Variants in TTYH1 observed in about 807,000 individuals in gnomAD.
The protein encoded by TTYH1 is tweety family member 1, also known as protein tweety homolog 1.
In TTYH1, 33 loss-of-function variants were observed where a neutral mutation model predicts 61.2. The ratio of observed to expected loss-of-function variants is 0.54; its 90% CI spans 0.41 to 0.72. The LOEUF (loss-of-function observed/expected upper bound fraction) is 0.72. Ranked by LOEUF, TTYH1 falls within the 30% of genes least tolerant of loss-of-function variation. TTYH1 has a pLI of 0.00. For synonymous variants in TTYH1, 308 were observed against 266.4 expected (o/e 1.16, Z -1.52); for missense variants, 538 against 575.8 (o/e 0.93, Z 0.67).
intron 1 of TTYH1, among the ~76,000 whole-genome samples, chr19:54,417,686 T>TAC (rs35495259): frequency 0.14 from 21,648 of 150,742 alleles, 1,655 homozygotes; most frequent in Middle Eastern, 0.2. Flanking sequence ...TATACTCCCA[T>TAC]ACACACACAC....
chr19:54,421,201 G>T lies in TTYH1; in HGVS notation c.306-76G>T. 1 of 908,502 alleles carries T rather than the reference G, an allele frequency of 1.1e-6. No individual in the cohort carries two copies. Among genetic ancestry groups the T allele is most frequent in the Admixed American group, 1.9e-5 (1 of 53,894 alleles). The allele number at this position is 908,502 out of a possible 1,614,324, so 56.3% of individuals were successfully genotyped here. On this transcript the variant is annotated intron_variant, in intron 2 of 13. Transcript: ENST00000376530. This position sits in a 1 kb window ranked among gnomAD's most constrained non-coding sequence, Gnocchi z 4.8. ...GGTGGATAAGAAGGCGAGGTGGAGG[G>T]GATGGGGTGGGAGGGGACGGTGGCC...
In TTYH1 at chr19:54,419,096, C is replaced by T. The variant is rs770758788; in HGVS notation, c.127-32C>T. 2.5e-6 allele frequency: 4 copies of T among 1,586,772 alleles called. No individual in the cohort carries two copies. The highest frequency in any genetic ancestry group is 3.4e-6 in the Non-Finnish European group (4 of 1,164,540). ...ATCTGAGTGTGGAACACACGGGTGCCCTCGGAGGTCTGATGTCACCCCCTT... is the reference window on the plus strand; with the variant it reads ...ATCTGAGTGTGGAACACACGGGTGCTCTCGGAGGTCTGATGTCACCCCCTT... On this transcript the variant is annotated intron_variant, in intron 1 of 13. Coordinates refer to ENST00000376530, the MANE Select transcript of TTYH1 (RefSeq NM_020659.4). This position sits in a 1 kb window ranked among gnomAD's most constrained non-coding sequence, Gnocchi z 6.1.
chr19:54,430,979 C>A, intron 9 of TTYH1, 74 bp downstream of exon 9: 1 of 1,433,384 alleles, frequency 7.0e-7, no homozygotes, highest in Non-Finnish European at 9.5e-7. Flanking sequence ...AGCTGTGGGG[C>A]GTAGGCGGGG....
intron 10 of TTYH1, chr19:54,432,806 G>A (rs2083468407): frequency 6.6e-6 from 1 of 152,240 alleles, no homozygotes; most frequent in Admixed American, 6.5e-5. Context: ...ATACTCAAAT[G>A]TAACTGGAAG....
Position 54,416,211 on chromosome 19 carries a change from G to GA in TTYH1, c.126+537dup, listed in dbSNP as rs2083075193. 7 of 493,412 alleles carry GA rather than the reference G, an allele frequency of 1.4e-5. No homozygotes were observed. Among genetic ancestry groups the GA allele is most frequent in the South Asian group, 1.1e-4 (6 of 54,280 alleles). The allele number at this position is 493,412 out of a possible 1,614,324, so 30.6% of individuals were successfully genotyped here. A position where few individuals can be genotyped will look rare whatever the true frequency, so the allele number is the denominator to read the frequency against. On this transcript the variant is annotated intron_variant, in intron 1 of 13. Coordinates refer to ENST00000376530, the MANE Select transcript of TTYH1 (RefSeq NM_020659.4). The surrounding 1 kb of genome is among the most constrained non-coding windows in gnomAD (Gnocchi z 7.0). ...CTTCAGGGGCTGAGGACCAGGGCTG[G>GA]AAAATGAAGGGGCTCTGGGAGAGGA...
At position 54,429,434 on chromosome 19, in the gene TTYH1, C is replaced by T; in HGVS notation, c.807+55C>T. ...TGGGACTCAGGGGGCCTGGAGACTTCAACTTCTGGATCTCGGGATGGCATG... is the reference window on the plus strand; with the variant it reads ...TGGGACTCAGGGGGCCTGGAGACTTTAACTTCTGGATCTCGGGATGGCATG... On this transcript the variant is annotated intron_variant, in intron 6 of 13. Coordinates refer to ENST00000376530, the MANE Select transcript of TTYH1 (RefSeq NM_020659.4). The surrounding 1 kb of genome is among the most constrained non-coding windows in gnomAD (Gnocchi z 5.1). The T allele has an allele frequency of 1.3e-6, 2 of 1,508,514 alleles. No individual in the cohort carries two copies. Among genetic ancestry groups the T allele is most frequent in the Non-Finnish European group, 1.8e-6 (2 of 1,088,432 alleles). The allele number at this position is 1,508,514 out of a possible 1,614,324, so 93.4% of individuals were successfully genotyped here.
intron 1 of TTYH1, among the ~76,000 whole-genome samples, chr19:54,417,626 CTT>C (rs998147663): frequency 1.0e-5 from 1 of 96,468 alleles, no homozygotes; most frequent in Non-Finnish European, 2.1e-5. Context: ...ACACACTGCA[CTT>C]ATATATATAT....
intron 4 of TTYH1, among the ~76,000 whole-genome samples, chr19:54,424,306 T>C (rs1213579880): frequency 6.6e-6 from 1 of 152,208 alleles, no homozygotes; most frequent in East Asian, 1.9e-4. Context: ...GCGGCCACCA[T>C]GACGGTGTCC....
chr19:54,423,798 G>C (rs1002800186), intron 4 of TTYH1, among the ~76,000 whole-genome samples: 1 of 152,106 alleles, frequency 6.6e-6, no homozygotes, highest in East Asian at 1.9e-4. Flanking sequence ...TGCGTCCTCC[G>C]GGGGGAACCA....
rs1443841339 is a variant in TTYH1 at position 54,419,671 on chromosome 19, C to T, written c.305+365C>T. 1 of 506,492 alleles carries T rather than the reference C, an allele frequency of 2.0e-6. No individual in the cohort carries two copies. The highest frequency in any genetic ancestry group is 3.8e-6 in the Non-Finnish European group (1 of 260,356). The allele number at this position is 506,492 out of a possible 1,614,324, so 31.4% of individuals were successfully genotyped here. On this transcript the variant is annotated intron_variant, in intron 2 of 13. Coordinates refer to ENST00000376530, the MANE Select transcript of TTYH1 (RefSeq NM_020659.4). The surrounding 1 kb of genome is among the most constrained non-coding windows in gnomAD (Gnocchi z 6.1). ...ACATCTGTAAACTGGGCATTATCAT[C>T]TCGCCCACCTCCTGCGGGGGTAAGA...
At chr19:54,424,215 T>G (rs2083278294) in intron 4 of TTYH1, among the ~76,000 whole-genome samples, 1 of 150,790 alleles carries the variant, frequency 6.6e-6, no homozygotes. Context: ...AGTCTGGCAG[T>G]TCATCAGGGG....
Position 54,430,842 on chromosome 19 carries a change from C to A in TTYH1, c.969C>A (p.Ala323=). 6.2e-7 allele frequency: 1 copy of A among 1,613,962 alleles called. No individual in the cohort carries two copies. The highest frequency in any genetic ancestry group is 8.5e-7 in the Non-Finnish European group (1 of 1,179,994). Residue 323 remains alanine, a synonymous_variant, in exon 9 of 14, where the codon GCC becomes GCA. Transcript: ENST00000376530. ...TGACTCTGTCCCAGCGAGCTCTGGC[C>A]AACATCCACTCCCAGCTGCTGGGCC... ...QRLTLSQRAL[A]NIHSQLLGLE...
rs1302694393 is a variant in TTYH1, at chr19:54,430,899, A to G, written c.1026A>G (p.Ser342=). The part of the protein sequence containing the change: ...LEREAVPQFP[S]AQKPLLSLEE... The stretch of plus-strand genomic sequence containing the variant: ...GAGAAGCTGTGCCTCAGTTCCCTTC[A>G]GCGCAGGTCGGTGGGTGGGCGCTCC... Residue 342 remains serine (S), a synonymous_variant, in exon 9 of 14, where the codon TCA becomes TCG. Coordinates refer to ENST00000376530, the MANE Select transcript of TTYH1 (RefSeq NM_020659.4). The G allele has an allele frequency of 2.5e-6, 4 of 1,612,426 alleles. No homozygotes were observed. The highest frequency in any genetic ancestry group is 3.4e-6 in the Non-Finnish European group (4 of 1,179,924).
At chr19:54,427,280 C>T (rs1187979325) in intron 5 of TTYH1, among the ~76,000 whole-genome samples, 1 of 104,546 alleles carries the variant, frequency 9.6e-6, no homozygotes, top group Non-Finnish European at 1.8e-5. Flanking sequence ...GCCTGGGCGA[C>T]AGAGTGACAC....
At chr19:54,417,026 G>T (rs1426839274) in intron 1 of TTYH1, 1 of 1,130,762 alleles carries the variant, frequency 8.8e-7, no homozygotes, top group Non-Finnish European at 1.1e-6. Context: ...AGGGCAAGGG[G>T]GACCCCTGCA....
rs1366139955 is a variant in TTYH1 at position 54,429,911 on chromosome 19, C to T, written c.837C>T (p.Asp279=). 6.2e-7 allele frequency: 1 copy of T among 1,613,902 alleles called. No individual in the cohort carries two copies. The highest frequency in any genetic ancestry group is 1.3e-5 in the African/African-American group (1 of 74,916). ...VGLSDFCSNP[D]PYVLNLTQEE... is the part of the protein sequence containing the mutation. ...TCAGTGACTTCTGCTCCAATCCAGA[C>T]CCTTATGTTCTGAACCTGACCCAGG... The change falls in exon 7 of 14, where the codon GAC becomes GAT. Residue 279 remains aspartate (D), a synonymous_variant. Transcript: ENST00000376530. This position sits in a 1 kb window ranked among gnomAD's most constrained non-coding sequence, Gnocchi z 5.1.
intron 5 of TTYH1, among the ~76,000 whole-genome samples, chr19:54,427,476 C>CAT (rs2083347648): frequency 6.6e-6 from 1 of 151,196 alleles, no homozygotes; most frequent in African/African-American, 2.4e-5. Context: ...TGGTGGCGGG[C>CAT]GCCTATAGTC....
chr19:54,429,223 CGGCT>C lies in TTYH1; in HGVS notation c.735-82_735-79del. On this transcript the variant is annotated intron_variant, in intron 5 of 13. Coordinates refer to ENST00000376530, the MANE Select transcript of TTYH1 (RefSeq NM_020659.4). The surrounding 1 kb of genome is among the most constrained non-coding windows in gnomAD (Gnocchi z 5.1). ...TCCAGAGGTGGGTGGAGGTGGGGGG[CGGCT>C]GTGATGGGATTTGGGGTGTGGAAAG... The C allele has an allele frequency of 7.9e-7, 1 of 1,270,836 alleles. No homozygotes were observed. Among genetic ancestry groups the C allele is most frequent in the South Asian group, 1.2e-5 (1 of 82,114 alleles). 78.7% of individuals were successfully genotyped at this position (1,270,836 alleles called of 1,614,324 possible). A position where few individuals can be genotyped will look rare whatever the true frequency, so the allele number is the denominator to read the frequency against.
In TTYH1 at chr19:54,416,201, AC is replaced by A; in HGVS notation, c.126+525del. The A allele has an allele frequency of 1.7e-6, 1 of 587,072 alleles. No individual in the cohort carries two copies. The highest frequency in any genetic ancestry group is 2.8e-6 in the Non-Finnish European group (1 of 355,040). The allele number at this position is 587,072 out of a possible 1,614,324, so 36.4% of individuals were successfully genotyped here. A position where few individuals can be genotyped will look rare whatever the true frequency, so the allele number is the denominator to read the frequency against. ...GGGAAGGGGGCTTCAGGGGCTGAGGACCAGGGCTGGAAAATGAAGGGGCTCT... is the reference window on the plus strand; with the variant it reads ...GGGAAGGGGGCTTCAGGGGCTGAGGACAGGGCTGGAAAATGAAGGGGCTCT... On this transcript the variant is annotated intron_variant, in intron 1 of 13. Transcript: ENST00000376530. The surrounding 1 kb of genome is among the most constrained non-coding windows in gnomAD (Gnocchi z 7.0).
Sources: gnomAD v4.1 joint callset for allele counts (sites outside exome capture counted in the v4.1 genomes callset) on GRCh38, gnomAD v4.1.1 for gene constraint, Gnocchi (gnomAD v3.1) non-coding constraint, MANE v1.5 for transcripts, NCBI Gene and HGNC (gene_info 2026-07-23, HGNC 2026-07-21) for gene names.